The following LACTB variants were observed in gnomAD, a reference collection of about 807,000 sequenced individuals.
LACTB encodes the protein lactamase beta.
Under a neutral mutation model 50.2 loss-of-function variants are expected in LACTB, and 35 were observed. That is an observed-to-expected ratio of 0.70 (90% CI 0.53 to 0.92). LACTB has a LOEUF of 0.92. Among genes scored for constraint, LACTB ranks in the 40% least tolerant of loss-of-function variants. The pLI is 0.00. For synonymous variants in LACTB, 252 were observed against 268.2 expected (o/e 0.94, Z 0.59); for missense variants, 664 against 691.8 (o/e 0.96, Z 0.45).
intron 5 of LACTB, among the ~76,000 whole-genome samples, chr15:63,135,200 C>T (rs1254884603): frequency 6.6e-6 from 1 of 151,828 alleles, no homozygotes. Flanking sequence ...GCTTTGTGTT[C>T]TTATCTACAT....
In LACTB at chr15:63,127,140, T is replaced by G. The variant is rs2037064125; in HGVS notation, c.615+91T>G. On this transcript the variant is annotated intron_variant, in intron 3 of 5. Coordinates refer to ENST00000261893, the MANE Select transcript of LACTB (RefSeq NM_032857.5). ...AAAATGTTTCATAGGATTCTTTGGC[T>G]TGTTTTTAGTTATTGTTAATGTATT... 28 of 1,079,378 alleles carry G rather than the reference T, an allele frequency of 2.6e-5. No homozygotes were observed. In the South Asian group the frequency reaches 4.9e-4, roughly 19 times the overall value. 66.9% of individuals were successfully genotyped at this position (1,079,378 alleles called of 1,614,324 possible).
rs1282705979 is a variant in LACTB at position 63,132,944 on chromosome 15, A to G, written c.1118+3294A>G. Among the ~76,000 whole-genome samples the G allele has an allele frequency of 2.0e-5, 3 of 152,184 alleles. No homozygotes were observed. In the South Asian group the frequency reaches 6.2e-4, roughly 31 times the overall value. On this transcript the variant is annotated intron_variant, in intron 5 of 5. Coordinates refer to ENST00000261893, the MANE Select transcript of LACTB (RefSeq NM_032857.5). ...AGGCATCCTTAGGTACTTTTTAATA[A>G]GTTTTAAGATTTAAAACATTTAAAC...
rs767825159 is a variant in LACTB, at chr15:63,121,912, C to A, written c.41C>A (p.Ala14Asp). 300 of 1,418,582 alleles carry A rather than the reference C, an allele frequency of 2.1e-4. No individual in the cohort carries two copies. Among genetic ancestry groups the A allele is most frequent in the Non-Finnish European group, 2.6e-4 (282 of 1,089,902 alleles). The allele number at this position is 1,418,582 out of a possible 1,614,324, so 87.9% of individuals were successfully genotyped here. ...LMSAVTARAAAPGGLASSCGR... is the reference protein window; with the variant it reads ...LMSAVTARAADPGGLASSCGR... ...TCAGCAGTGACTGCCCGGGCTGCCG[C>A]CCCCGGGGGCTTGGCCTCAAGCTGC... Residue 14 changes from alanine (A) to aspartate (D), a missense_variant, in exon 1 of 6, where the codon GCC becomes GAC. By Grantham distance (126) the Ala-to-Asp change is moderately radical. Coordinates refer to ENST00000261893, the MANE Select transcript of LACTB (RefSeq NM_032857.5).
chr15:63,122,791 T>C, intron 2 of LACTB, 89 bp downstream of exon 2: 1 of 876,022 alleles, frequency 1.1e-6, no homozygotes, highest in Admixed American at 2.0e-5. Flanking sequence ...TGAAATGCTA[T>C]TGCATTTACA....
rs530949239 is a variant in LACTB at position 63,123,598 on chromosome 15, T to C, written c.424+896T>C. On this transcript the variant is annotated intron_variant, in intron 2 of 5. Coordinates refer to ENST00000261893, the MANE Select transcript of LACTB (RefSeq NM_032857.5). ...AGTGGCCCCGAATGTCTGGCTGCGC[T>C]GTTATTTATTGGATACAAAGCAAAA... Among the ~76,000 whole-genome samples the C allele has an allele frequency of 8.2e-4, 125 of 152,270 alleles. 1 individual carries two copies. The East Asian group carries it at 0.012, about 15-fold the overall frequency.
rs34297800 is a variant in LACTB, at chr15:63,121,944, C to A, written c.73C>A (p.Arg25Ser). Reference sequence around the variant, plus strand: ...GGGCTTGGCCTCAAGCTGCGGACGACGCGGGGTCCATCAGCGCGCCGGGCT... The same window carrying A: ...GGGCTTGGCCTCAAGCTGCGGACGAAGCGGGGTCCATCAGCGCGCCGGGCT... ...PGGLASSCGR[R>S]GVHQRAGLPP... Residue 25 changes from arginine to serine, a missense_variant, in exon 1 of 6, where the codon CGC (arginine) becomes AGC (serine). Arg to Ser is a moderately radical substitution (Grantham distance 110). Transcript: ENST00000261893. 2.8e-6 allele frequency: 4 copies of A among 1,412,638 alleles called. No individual in the cohort carries two copies. The South Asian group carries it at 4.8e-5, about 17-fold the overall frequency. The allele number at this position is 1,412,638 out of a possible 1,614,324, so 87.5% of individuals were successfully genotyped here.
At chr15:63,139,093 A>C (rs1450713641) in intron 5 of LACTB, among the ~76,000 whole-genome samples, 1 of 150,454 alleles carries the variant, frequency 6.6e-6, no homozygotes, top group Admixed American at 6.6e-5. Flanking sequence ...TCACGCCTAT[A>C]ATCCCAGCAC....
At chr15:63,135,492 G>A (rs936874386) in intron 5 of LACTB, among the ~76,000 whole-genome samples, 2 of 152,192 alleles carry the variant, frequency 1.3e-5, no homozygotes, top group African/African-American at 2.4e-5. Context: ...GAGGCCAAGA[G>A]GGGTGGATTG....
At chr15:63,129,704 A>T in intron 5 of LACTB, 54 bp downstream of exon 5, 1 of 1,375,770 alleles carries the variant, frequency 7.3e-7, no homozygotes, top group Non-Finnish European at 9.4e-7. Context: ...ACACTATTTT[A>T]TTAATTAAAA....
intron 5 of LACTB, among the ~76,000 whole-genome samples, chr15:63,137,962 T>C (rs1315614008): frequency 6.6e-6 from 1 of 152,244 alleles, no homozygotes; most frequent in Non-Finnish European, 1.5e-5. Context: ...GAAATTATGT[T>C]GGTTTTCAAA....
chr15:63,137,457 C>T lies in LACTB; in HGVS notation c.1119-3823C>T, dbSNP rs146136225. Among the ~76,000 whole-genome samples the T allele has an allele frequency of 3.6e-3, 555 of 152,226 alleles. 4 individuals are homozygous for T. Among genetic ancestry groups the T allele is most frequent in the African/African-American group, 0.013 (534 of 41,538 alleles). ...TGAATATTTTCTGGAGTGTTTGCTG[C>T]ATTTTTTAATGTTTAAAATTTTTAA... On this transcript the variant is annotated intron_variant, in intron 5 of 5. Transcript: ENST00000261893.
At chr15:63,140,253 A>T (rs772760656) in intron 5 of LACTB, among the ~76,000 whole-genome samples, 4 of 152,224 alleles carry the variant, frequency 2.6e-5, no homozygotes, top group Non-Finnish European at 4.4e-5. Flanking sequence ...GAGAGTTGTC[A>T]TAGGAATAGA....
chr15:63,130,919 C>G (rs2037123914), intron 5 of LACTB: 1 of 152,216 alleles, frequency 6.6e-6, no homozygotes, highest in South Asian at 2.1e-4. Flanking sequence ...ATGACTGAAT[C>G]AGTTATTACA....
intron 2 of LACTB, among the ~76,000 whole-genome samples, chr15:63,123,804 T>C (rs1452195639): frequency 1.3e-5 from 2 of 152,238 alleles, no homozygotes; most frequent in Middle Eastern, 3.2e-3. Flanking sequence ...CTTTCACTAA[T>C]TGACTACTGC....
In LACTB at chr15:63,129,471, A is replaced by T. The variant is rs1032589617; in HGVS notation, c.953-14A>T. 3.9e-6 allele frequency: 6 copies of T among 1,537,824 alleles called. No individual in the cohort carries two copies. The highest frequency in any genetic ancestry group is 5.2e-6 in the Non-Finnish European group (6 of 1,145,812). On this transcript the variant is annotated splice_polypyrimidine_tract_variant and intron_variant, in intron 4 of 5. Transcript: ENST00000261893. ...AGTATTTTATTTTTTTCCTCCTCGC[A>T]ATGATGTCTCAAGGTAGTCAGTTTT...
At chr15:63,122,349 G>C (rs1287637901) in intron 1 of LACTB, 121 bp downstream of exon 1, 1 of 892,550 alleles carries the variant, frequency 1.1e-6, no homozygotes, top group Non-Finnish European at 1.6e-6. Flanking sequence ...TTCCGAGAAA[G>C]ACTTCCCATT....
intron 2 of LACTB, chr15:63,126,035 A>G (rs546334693): frequency 2.5e-4 from 38 of 152,202 alleles, no homozygotes; most frequent in African/African-American, 8.9e-4. Flanking sequence ...GAGAACATGG[A>G]AACCAAATTT....
chr15:63,121,911 G>GC lies in LACTB; in HGVS notation c.45dup (p.Gly16ArgfsTer60), dbSNP rs1566988176. ...GTCAGCAGTGACTGCCCGGGCTGCC[G>GC]CCCCCGGGGGCTTGGCCTCAAGCTG... On this transcript the variant is annotated frameshift_variant, in exon 1 of 6. Coordinates refer to ENST00000261893, the MANE Select transcript of LACTB (RefSeq NM_032857.5). LOFTEE classifies it high-confidence loss of function. 3 of 1,418,266 alleles carry GC rather than the reference G, an allele frequency of 2.1e-6. No individual in the cohort carries two copies. Among genetic ancestry groups the GC allele is most frequent in the South Asian group, 1.6e-5 (1 of 64,190 alleles). 87.9% of individuals were successfully genotyped at this position (1,418,266 alleles called of 1,614,324 possible).
chr15:63,131,608 TAGCAAATA>T (rs1037048328), intron 5 of LACTB: 1 of 152,128 alleles, frequency 6.6e-6, no homozygotes, highest in African/African-American at 2.4e-5. Flanking sequence ...GACCAACATC[TAGCAAATA>T]ATTCAATTAA....
Sources: gnomAD v4.1 joint callset for allele counts (sites outside exome capture counted in the v4.1 genomes callset) on GRCh38, gnomAD v4.1.1 for gene constraint, MANE v1.5 for transcripts, NCBI Gene and HGNC (gene_info 2026-07-23, HGNC 2026-07-21) for gene names.